The following ESM1 variants were observed in gnomAD, a reference collection of about 807,000 sequenced individuals.
ESM1 encodes the protein endothelial cell specific molecule 1.
A neutral mutation model predicts 14.9 loss-of-function variants in ESM1; 7 were observed. The observed-to-expected ratio is 0.47, with a 90% confidence interval of 0.27 to 0.88. The LOEUF is 0.88. Among genes scored for constraint, ESM1 ranks in the 40% least tolerant of loss-of-function variants. The pLI is 0.14. For synonymous variants in ESM1, 89 were observed against 89.4 expected, an observed-to-expected ratio of 1.00 and a Z score of 0.02; for missense variants, 192 against 237.9, an observed-to-expected ratio of 0.81 and a Z score of 1.27.
rs10557410 is a variant in ESM1, at chr5:54,978,828, C to CAAAAAAAA, written c.*496_*503dup. On this transcript the variant is annotated 3_prime_UTR_variant, in exon 3 of 3. Coordinates refer to ENST00000381405, the MANE Select transcript of ESM1 (RefSeq NM_007036.5). ...GTTTTATTTTGACTTTTCCCAAAGC[C>CAAAAAAAA]AAAAAAAAAAAAAAAAGCACAATTA... 7.7e-6 allele frequency: 1 copy of CAAAAAAAA among 130,514 alleles called. No homozygotes were observed. Among genetic ancestry groups the CAAAAAAAA allele is most frequent in the Non-Finnish European group, 1.7e-5 (1 of 58,282 alleles). 8.1% of individuals were successfully genotyped at this position (130,514 alleles called of 1,614,324 possible).
At position 54,982,127 on chromosome 5, in the gene ESM1, G is replaced by A. The variant is rs34429199; in HGVS notation, c.321C>T (p.Phe107=). 1.1e-4 allele frequency: 183 copies of A among 1,614,002 alleles called. No individual in the cohort carries two copies. Among genetic ancestry groups the A allele is most frequent in the Middle Eastern group, 1.6e-4 (1 of 6,084 alleles). ...TGCAGGTCTCTCTGCAATCCATCCC[G>A]AAGGTGCCGTAGGGACAGTCTGGGG... ...GICKDCPYGT[F]GMDCRETCNC... The change falls in exon 2 of 3, where the codon TTC becomes TTT. Residue 107 remains phenylalanine (F), a synonymous_variant. Transcript: ENST00000381405.
chr5:54,979,956 T>C (rs1308011135), intron 2 of ESM1, among the ~76,000 whole-genome samples: 3 of 152,174 alleles, frequency 2.0e-5, no homozygotes, highest in Non-Finnish European at 2.9e-5. Context: ...TCACTCTACA[T>C]ATGAGAAAAG....
chr5:54,979,107 A>T lies in ESM1; in HGVS notation c.*225T>A. On this transcript the variant is annotated 3_prime_UTR_variant, in exon 3 of 3. Coordinates refer to ENST00000381405, the MANE Select transcript of ESM1 (RefSeq NM_007036.5). ...TGTTACTATACACACACATTTAACA[A>T]ATCTACATGCATTCGAATATTTAAC... 3 of 485,742 alleles carry T rather than the reference A, an allele frequency of 6.2e-6. No individual in the cohort carries two copies. In the South Asian group the frequency reaches 8.3e-5, roughly 13 times the overall value. 30.1% of individuals were successfully genotyped at this position (485,742 alleles called of 1,614,324 possible).
intron 2 of ESM1, among the ~76,000 whole-genome samples, 179 bp downstream of exon 2, chr5:54,981,818 C>A (rs2112249254): frequency 6.6e-6 from 1 of 152,136 alleles, no homozygotes; most frequent in East Asian, 1.9e-4. Flanking sequence ...TATTGATGGG[C>A]TCTTTTTAGA....
At chr5:54,980,767 G>A (rs1018127494) in intron 2 of ESM1, among the ~76,000 whole-genome samples, 3 of 152,252 alleles carry the variant, frequency 2.0e-5, no homozygotes, top group African/African-American at 4.8e-5. Context: ...TTAAAAGCAC[G>A]ATATTTCCGC....
Position 54,985,493 on chromosome 5 carries a change from T to A in ESM1, c.25A>T (p.Thr9Ser), listed in dbSNP as rs1006294370. The A allele has an allele frequency of 6.2e-7, 1 of 1,601,110 alleles. No homozygotes were observed. Among genetic ancestry groups the A allele is most frequent in the Non-Finnish European group, 8.5e-7 (1 of 1,169,678 alleles). Residue 9 changes from threonine to serine, a missense_variant, in exon 1 of 3, where the codon ACG becomes TCG. By Grantham distance (58) the Thr-to-Ser change is moderately conservative. Transcript: ENST00000381405. MKSVLLLT[T>S]LLVPAHLVAA... ...ACCAGGTGTGCAGGCACGAGGAGCG[T>A]GGTCAGCAGCAAGACGCTCTTCATG... is the stretch of plus-strand genomic sequence containing the variant.
intron 2 of ESM1, among the ~76,000 whole-genome samples, chr5:54,980,107 A>G (rs778207742): frequency 6.6e-6 from 1 of 152,224 alleles, no homozygotes; most frequent in Non-Finnish European, 1.5e-5. Context: ...GTGTAAGTCC[A>G]TGAAACATTC....
chr5:54,982,684 A>G (rs1028408261), intron 1 of ESM1, among the ~76,000 whole-genome samples: 3 of 152,300 alleles, frequency 2.0e-5, no homozygotes, highest in Non-Finnish European at 2.9e-5. Context: ...ATCTGCTCCA[A>G]CCCTTATCAA....
chr5:54,979,752 C>T (rs1744015218), intron 2 of ESM1, among the ~76,000 whole-genome samples: 2 of 152,190 alleles, frequency 1.3e-5, no homozygotes, highest in East Asian at 3.8e-4. Flanking sequence ...TTGCTCACTG[C>T]TATATCTCCA....
Position 54,985,321 on chromosome 5 carries a change from T to TA in ESM1, c.196dup (p.Tyr66LeufsTer22), listed in dbSNP as rs757761460. On this transcript the variant is annotated frameshift_variant, in exon 1 of 3. Transcript: ENST00000381405. LOFTEE classifies it high-confidence loss of function. ...GCCATCCATGCCTGAGACTGTGCGG[T>TA]AGCAAGTTTCTCCCCGCCCTGCAGC... is the stretch of plus-strand genomic sequence containing the variant. The TA allele has an allele frequency of 6.2e-7, 1 of 1,614,182 alleles. No individual in the cohort carries two copies. Among genetic ancestry groups the TA allele is most frequent in the Admixed American group, 1.7e-5 (1 of 60,032 alleles).
At chr5:54,981,412 C>T (rs1002273059) in intron 2 of ESM1, among the ~76,000 whole-genome samples, 8 of 152,164 alleles carry the variant, frequency 5.3e-5, no homozygotes, top group African/African-American at 1.7e-4. Context: ...CACGGACTAA[C>T]AAGCAGCACG....
rs760996061 is a variant in ESM1, at chr5:54,985,510, C to T, written c.8G>A (p.Ser3Asn). 1.9e-6 allele frequency: 3 copies of T among 1,591,674 alleles called. No homozygotes were observed. The highest frequency in any genetic ancestry group is 2.3e-5 in the East Asian group (1 of 44,300). Residue 3 changes from serine (S) to asparagine (N), a missense_variant, in exon 1 of 3, where the codon AGC (serine) becomes AAC (asparagine). By Grantham distance (46) the Ser-to-Asn change is conservative (BLOSUM62 1). Coordinates refer to ENST00000381405, the MANE Select transcript of ESM1 (RefSeq NM_007036.5). ...GAGGAGCGTGGTCAGCAGCAAGACG[C>T]TCTTCATGTTTCCCAGCTGCCTCCG... is the stretch of plus-strand genomic sequence containing the variant. MK[S>N]VLLLTTLLVP... is the part of the protein sequence containing the mutation.
rs753485553 is a variant in ESM1, at chr5:54,985,258, T to C, written c.260A>G (p.Asn87Ser). The C allele has an allele frequency of 1.2e-6, 2 of 1,613,852 alleles. No homozygotes were observed. The highest frequency in any genetic ancestry group is 1.7e-6 in the Non-Finnish European group (2 of 1,179,800). The change falls in exon 1 of 3, where the codon AAT becomes AGT. Residue 87 changes from asparagine to serine, a missense_variant. Transcript: ENST00000381405. ...CTCTTCACCAAAAGGATCCTCCCCA[T>C]TAGAAGGCTGACACCTCAGCCCCGG... The part of the protein sequence containing the change: ...CGPGLRCQPS[N>S]GEDPFGEEFG...
At chr5:54,981,168 TA>T (rs1164577009) in intron 2 of ESM1, among the ~76,000 whole-genome samples, 2 of 152,214 alleles carry the variant, frequency 1.3e-5, no homozygotes, top group African/African-American at 4.8e-5. Context: ...TGGGAACATT[TA>T]AAATTTATTA....
At chr5:54,979,680 T>C (rs143424877) in intron 2 of ESM1, among the ~76,000 whole-genome samples, 68 of 152,038 alleles carry the variant, frequency 4.5e-4, no homozygotes, top group Middle Eastern at 6.8e-3. Context: ...TTGTCTTTTT[T>C]TCCTGTGTAT....
chr5:54,984,481 T>C (rs1252850624), intron 1 of ESM1, among the ~76,000 whole-genome samples: 1 of 152,252 alleles, frequency 6.6e-6, no homozygotes, highest in Non-Finnish European at 1.5e-5. Context: ...CTACATTATT[T>C]AGCTAAAATT....
intron 2 of ESM1, 63 bp from the exon 3 acceptor site, chr5:54,979,498 G>C (rs1744009986): frequency 8.5e-7 from 1 of 1,170,646 alleles, no homozygotes; most frequent in Middle Eastern, 2.0e-4. Context: ...ACACAGTTTT[G>C]CTTTATTTTT....
At chr5:54,984,383 T>A (rs925334230) in intron 1 of ESM1, among the ~76,000 whole-genome samples, 4 of 152,182 alleles carry the variant, frequency 2.6e-5, no homozygotes, top group African/African-American at 9.6e-5. Flanking sequence ...TATTTTTAAA[T>A]CATCATTCTT....
intron 1 of ESM1, 27 bp from the exon 2 acceptor site, chr5:54,982,173 G>T: frequency 6.2e-7 from 1 of 1,610,702 alleles, no homozygotes; most frequent in African/African-American, 1.3e-5. Context: ...GGTTGGAGAG[G>T]ACGCTGCTTG....
Sources: allele counts gnomAD v4.1 joint callset (sites outside exome capture counted in the v4.1 genomes callset), GRCh38; gene constraint gnomAD v4.1.1; transcripts MANE v1.5; gene names NCBI Gene and HGNC (gene_info 2026-07-23, HGNC 2026-07-21).